Variants in PLCL2 observed in about 807,000 individuals in gnomAD.
PLCL2 encodes phospholipase C like 2.
Under a neutral mutation model 79.6 loss-of-function variants are expected in PLCL2, and 4 were observed. The observed-to-expected ratio is 0.05, with a 90% CI of 0.02 to 0.11. PLCL2 has a LOEUF of 0.11. PLCL2 is among the 10% of genes least tolerant of loss of function. The pLI, the probability that PLCL2 is intolerant of heterozygous loss-of-function variation, is 1.00. For missense variants in PLCL2, 895 were observed against 1,291.0 expected (o/e 0.69, Z 4.70); for synonymous variants, 484 against 457.7 (o/e 1.06, Z -0.73).
intron 1 of PLCL2, among the ~76,000 whole-genome samples, chr3:17,007,867 A>G (rs1200820995): frequency 2.0e-5 from 3 of 152,224 alleles, no homozygotes; most frequent in Non-Finnish European, 4.4e-5. Flanking sequence ...TATAAATACA[A>G]TGAATACTGA....
chr3:17,015,868 G>A (rs1292263574), intron 3 of PLCL2, among the ~76,000 whole-genome samples: 1 of 152,154 alleles, frequency 6.6e-6, no homozygotes, highest in Admixed American at 6.5e-5. Context: ...AATTTAGAGG[G>A]ATTTATGCAA....
intron 1 of PLCL2, among the ~76,000 whole-genome samples, chr3:16,967,370 A>G (rs1424485645): frequency 6.6e-6 from 1 of 152,156 alleles, no homozygotes; most frequent in East Asian, 1.9e-4. Flanking sequence ...GAACTAATTT[A>G]CTTTTCCACT....
At chr3:17,084,817 A>C (rs1029816414) in intron 5 of PLCL2, among the ~76,000 whole-genome samples, 1 of 152,238 alleles carries the variant, frequency 6.6e-6, no homozygotes, top group African/African-American at 2.4e-5. Flanking sequence ...TACTGCTTAC[A>C]TCATATTTAA....
rs1992381 is a variant in PLCL2, at chr3:16,886,567, T to C, written c.327+1201T>C. Among the ~76,000 whole-genome samples, 1 of 152,172 alleles carries C rather than the reference T, an allele frequency of 6.6e-6. No homozygotes were observed. The highest frequency in any genetic ancestry group is 1.5e-5 in the Non-Finnish European group (1 of 68,024). On this transcript the variant is annotated intron_variant, in intron 1 of 5. Transcript: ENST00000615277. This position sits in a 1 kb window ranked among gnomAD's most constrained non-coding sequence, Gnocchi z 4.2. The stretch of plus-strand genomic sequence containing the variant: ...TCTATGTAAGAGGCAATTGTGAAAC[T>C]GCATTTCCCTTTGTCATCTGTTTGC...
chr3:17,054,848 G>A (rs892984723), intron 4 of PLCL2, among the ~76,000 whole-genome samples: 3 of 152,110 alleles, frequency 2.0e-5, no homozygotes, highest in African/African-American at 7.2e-5. Flanking sequence ...TTCTTTCCTG[G>A]GAATTGAGAG....
chr3:16,903,486 A>G (rs970364253), intron 1 of PLCL2, among the ~76,000 whole-genome samples: 2 of 152,176 alleles, frequency 1.3e-5, no homozygotes, highest in African/African-American at 4.8e-5. Context: ...TTGGAAAAAT[A>G]CTAAGAAAGC....
chr3:16,905,489 A>G (rs550025522), intron 1 of PLCL2, among the ~76,000 whole-genome samples: 1 of 152,298 alleles, frequency 6.6e-6, no homozygotes, highest in Non-Finnish European at 1.5e-5. Context: ...TGCAATTTAC[A>G]TTCATTTTAA....
At chr3:17,048,060 G>C (rs2064799541) in intron 4 of PLCL2, among the ~76,000 whole-genome samples, 1 of 150,298 alleles carries the variant, frequency 6.7e-6, no homozygotes, top group Non-Finnish European at 1.5e-5. Context: ...AGACCTACAT[G>C]ACCTGGATTT....
At chr3:16,915,840 G>T (rs9872237) in intron 1 of PLCL2, among the ~76,000 whole-genome samples, 52,049 of 152,066 alleles carry the variant, frequency 0.34, 9,093 homozygotes, top group East Asian at 0.54. Context: ...TGAAAGGAGA[G>T]AGAAGTAGAA....
chr3:17,005,121 A>C (rs765055327), intron 1 of PLCL2, among the ~76,000 whole-genome samples: 1 of 152,114 alleles, frequency 6.6e-6, no homozygotes, highest in Non-Finnish European at 1.5e-5. Flanking sequence ...AATCAAACAG[A>C]AAATGGGAAC....
rs563818228 is a variant in PLCL2 at position 16,971,227 on chromosome 3, A to G, written c.328-38447A>G. On this transcript the variant is annotated intron_variant, in intron 1 of 5. Transcript: ENST00000615277. ...TGTTTAAGTCTTTAATCCATCTTGA[A>G]TTAATTTTTGTATAAGGTGTAAGGA... is the stretch of plus-strand genomic sequence containing the variant. 2.7e-4 allele frequency among the ~76,000 whole-genome samples: 41 copies of G among 151,888 alleles called. No individual in the cohort carries two copies. The South Asian group carries it at 8.3e-3, about 31-fold the overall frequency.
At chr3:17,069,560 G>A (rs1223665514) in intron 5 of PLCL2, among the ~76,000 whole-genome samples, 2 of 152,110 alleles carry the variant, frequency 1.3e-5, no homozygotes, top group African/African-American at 2.4e-5. Context: ...CTTTAGTTCA[G>A]CATGTCAAAG....
At chr3:17,085,122 T>C (rs2065203215) in intron 5 of PLCL2, among the ~76,000 whole-genome samples, 2 of 151,902 alleles carry the variant, frequency 1.3e-5, no homozygotes, top group South Asian at 4.2e-4. Context: ...AAAAATCAAT[T>C]GATTTCTTTT....
At chr3:16,900,593 A>T (rs1176316158) in intron 1 of PLCL2, among the ~76,000 whole-genome samples, 2 of 152,248 alleles carry the variant, frequency 1.3e-5, no homozygotes, top group Non-Finnish European at 2.9e-5. Context: ...AAAAAACTTC[A>T]TAACCAAAAA....
intron 3 of PLCL2, among the ~76,000 whole-genome samples, chr3:17,027,397 A>G (rs1432681586): frequency 6.6e-6 from 1 of 152,240 alleles, no homozygotes; most frequent in Admixed American, 6.5e-5. Context: ...AACCACCTCC[A>G]TTAAATACTA....
intron 1 of PLCL2, among the ~76,000 whole-genome samples, chr3:16,902,569 G>A (rs950573159): frequency 6.6e-6 from 1 of 152,142 alleles, no homozygotes. Flanking sequence ...GCTCATGCCT[G>A]TAATCCCAGC....
chr3:16,975,935 GGTACTCT>G (rs1475838885), intron 1 of PLCL2, among the ~76,000 whole-genome samples: 1 of 152,078 alleles, frequency 6.6e-6, no homozygotes, highest in Non-Finnish European at 1.5e-5. Flanking sequence ...GGCTGCTGGT[GGTACTCT>G]GTATTAGGTT....
chr3:16,965,876 C>T (rs1267118174), intron 1 of PLCL2, among the ~76,000 whole-genome samples: 3 of 151,940 alleles, frequency 2.0e-5, no homozygotes, highest in African/African-American at 7.3e-5. Context: ...GATTTTGTAT[C>T]CTGAGACTTT....
At chr3:17,039,490 TAAGAAC>T (rs1354491447) in intron 3 of PLCL2, among the ~76,000 whole-genome samples, 3 of 152,240 alleles carry the variant, frequency 2.0e-5, no homozygotes, top group African/African-American at 7.2e-5. Context: ...ATATGCCTGT[TAAGAAC>T]AAGAACTATG....
Sources: allele counts gnomAD v4.1 joint callset (sites outside exome capture counted in the v4.1 genomes callset), GRCh38; gene constraint gnomAD v4.1.1; non-coding constraint Gnocchi (gnomAD v3.1); transcripts MANE v1.5; gene names NCBI Gene and HGNC (gene_info 2026-07-23, HGNC 2026-07-21).